CASP9: variants seen among roughly 807,000 people sequenced by gnomAD.
The protein encoded by CASP9 is caspase-9.
A neutral mutation model predicts 43.5 loss-of-function variants in CASP9; 29 were observed. The observed-to-expected ratio is 0.67, with a 90% CI of 0.50 to 0.91. The LOEUF (loss-of-function observed/expected upper bound fraction) is 0.91. Among genes scored for constraint, CASP9 ranks in the 40% least tolerant of loss-of-function variants. The pLI, the probability that CASP9 is intolerant of heterozygous loss-of-function variation, is 0.00. For synonymous variants in CASP9, 206 were observed against 211.9 expected (o/e 0.97, Z 0.24); for missense variants, 575 against 537.4 (o/e 1.07, Z -0.69).
intron 7 of CASP9, among the ~76,000 whole-genome samples, chr1:15,494,990 G>A (rs947639921): frequency 6.6e-6 from 1 of 151,746 alleles, no homozygotes; most frequent in Non-Finnish European, 1.5e-5. Flanking sequence ...CCTGAGGCAC[G>A]ATTCCTATTC....
At chr1:15,494,933 T>C (rs1314548439) in intron 7 of CASP9, among the ~76,000 whole-genome samples, 1 of 149,918 alleles carries the variant, frequency 6.7e-6, no homozygotes, top group Non-Finnish European at 1.5e-5. Flanking sequence ...TGCCCCGCAC[T>C]GTGCTCAGTG....
At chr1:15,521,998 C>G (rs757659718) in intron 1 of CASP9, among the ~76,000 whole-genome samples, 1 of 152,206 alleles carries the variant, frequency 6.6e-6, no homozygotes, top group South Asian at 2.1e-4. Flanking sequence ...ACTAGCAGAA[C>G]AGTTGGCTAC....
intron 2 of CASP9, among the ~76,000 whole-genome samples, chr1:15,511,408 T>G (rs1403403846): frequency 1.4e-5 from 1 of 71,728 alleles, no homozygotes; most frequent in African/African-American, 4.7e-5. Context: ...CACACCTAAT[T>G]TTTTTTTTTT....
chr1:15,498,742 C>CTTT (rs1218849159), intron 6 of CASP9, among the ~76,000 whole-genome samples: 78 of 83,526 alleles, frequency 9.3e-4, no homozygotes, highest in South Asian at 2.2e-3. Flanking sequence ...TGAAAGTGAT[C>CTTT]TTTTTTTTTT....
At chr1:15,498,218 G>A (rs1709187431) in intron 6 of CASP9, among the ~76,000 whole-genome samples, 1 of 152,156 alleles carries the variant, frequency 6.6e-6, no homozygotes. Flanking sequence ...AAGTAGCTGG[G>A]ACTACAGGTG....
At chr1:15,517,022 G>A (rs1479146957) in intron 2 of CASP9, among the ~76,000 whole-genome samples, 1 of 152,168 alleles carries the variant, frequency 6.6e-6, no homozygotes, top group African/African-American at 2.4e-5. Flanking sequence ...ACTCCGAACG[G>A]TGCCTGGCAA....
intron 2 of CASP9, among the ~76,000 whole-genome samples, chr1:15,517,847 C>T (rs1410644321): frequency 1.3e-5 from 2 of 151,730 alleles, no homozygotes; most frequent in African/African-American, 4.8e-5. Context: ...CTGGGGCCTG[C>T]TATCTCAAAG....
chr1:15,492,841 C>T lies in CASP9; in HGVS notation c.*102G>A, dbSNP rs553229210. 8.6e-6 allele frequency: 13 copies of T among 1,508,480 alleles called. No individual in the cohort carries two copies. The African/African-American group carries it at 1.5e-4, about 18-fold the overall frequency. 93.4% of individuals were successfully genotyped at this position (1,508,480 alleles called of 1,614,324 possible). On this transcript the variant is annotated 3_prime_UTR_variant, in exon 9 of 9. Transcript: ENST00000333868. Reference sequence around the variant, plus strand: ...GAAAGAGCAGACCCTGTGCCGGCTGCAAAGTCCTTGAGTTGCAGGAAAGTC... The same window carrying T: ...GAAAGAGCAGACCCTGTGCCGGCTGTAAAGTCCTTGAGTTGCAGGAAAGTC...
intron 6 of CASP9, among the ~76,000 whole-genome samples, chr1:15,503,369 G>A (rs1159349458): frequency 6.6e-6 from 1 of 152,176 alleles, no homozygotes; most frequent in Non-Finnish European, 1.5e-5. Flanking sequence ...AGATGAACTG[G>A]CCCAGGGCTG....
intron 6 of CASP9, among the ~76,000 whole-genome samples, chr1:15,499,746 G>A (rs1709249173): frequency 6.6e-6 from 1 of 152,204 alleles, no homozygotes; most frequent in Non-Finnish European, 1.5e-5. Context: ...TGGAGATCTG[G>A]GGAACTGCTT....
At chr1:15,522,669 C>G (rs1224791773) in intron 1 of CASP9, among the ~76,000 whole-genome samples, 2 of 152,232 alleles carry the variant, frequency 1.3e-5, no homozygotes, top group African/African-American at 4.8e-5. Context: ...GAGCCATGAT[C>G]TCATCCCTGC....
intron 2 of CASP9, among the ~76,000 whole-genome samples, chr1:15,509,389 C>A (rs931395973): frequency 6.8e-6 from 1 of 146,420 alleles, no homozygotes; most frequent in Admixed American, 7.1e-5. Flanking sequence ...CTTTGGGAGG[C>A]AGATCACCTG....
chr1:15,509,339 G>A (rs569746490), intron 2 of CASP9, among the ~76,000 whole-genome samples: 19 of 151,898 alleles, frequency 1.3e-4, no homozygotes, highest in Non-Finnish European at 2.6e-4. Flanking sequence ...AATGTGCTGC[G>A]TAAGGCCAGG....
chr1:15,507,691 A>G, intron 3 of CASP9, 182 bp downstream of exon 3: 1 of 627,816 alleles, frequency 1.6e-6, no homozygotes, highest in Admixed American at 2.8e-5. Flanking sequence ...GGAAGCGCAG[A>G]GATGAACAAT....
Position 15,511,143 on chromosome 1 carries a change from C to T in CASP9, c.419-3236G>A, listed in dbSNP as rs375354898. 2.0e-5 allele frequency among the ~76,000 whole-genome samples: 3 copies of T among 152,146 alleles called. No individual in the cohort carries two copies. The East Asian group carries it at 5.8e-4, about 29-fold the overall frequency. ...AACAGGTGTCTACCTAGGTTTGGTC[C>T]AAAGTGAAGAGGTCAGGGTAAGGAG... On this transcript the variant is annotated intron_variant, in intron 2 of 8. Transcript: ENST00000333868.
intron 1 of CASP9, among the ~76,000 whole-genome samples, chr1:15,522,181 G>T (rs1158057632): frequency 6.6e-6 from 1 of 152,188 alleles, no homozygotes; most frequent in Non-Finnish European, 1.5e-5. Context: ...CTGAGTCATA[G>T]GGTTTTTCTG....
intron 1 of CASP9, among the ~76,000 whole-genome samples, chr1:15,518,767 G>A (rs538017707): frequency 1.3e-5 from 2 of 152,364 alleles, no homozygotes; most frequent in Admixed American, 6.5e-5. Context: ...AGTCTTATGA[G>A]GTGGGAGGTA....
intron 7 of CASP9, among the ~76,000 whole-genome samples, chr1:15,494,862 C>CAAAAAAAA (rs563954013): frequency 6.8e-5 from 3 of 44,294 alleles, no homozygotes; most frequent in African/African-American, 2.2e-4. Flanking sequence ...GATTCCATCT[C>CAAAAAAAA]AAAAAAAAAA....
intron 6 of CASP9, among the ~76,000 whole-genome samples, chr1:15,496,168 C>T (rs1188806625): frequency 7.0e-6 from 1 of 143,214 alleles, no homozygotes; most frequent in African/African-American, 2.8e-5. Context: ...AAAAACCCTA[C>T]ATCATCATCT....
Sources: gnomAD v4.1 joint callset for allele counts (sites outside exome capture counted in the v4.1 genomes callset) on GRCh38, gnomAD v4.1.1 for gene constraint, MANE v1.5 for transcripts, NCBI Gene and HGNC (gene_info 2026-07-23, HGNC 2026-07-21) for gene names.